Variants in MIDEAS observed in about 807,000 individuals in gnomAD.
MIDEAS encodes mitotic deacetylase associated SANT domain protein, also known as mitotic deacetylase-associated SANT domain protein.
Under a neutral mutation model 102.7 loss-of-function variants are expected in MIDEAS, and 26 were observed. The ratio of observed to expected loss-of-function variants is 0.25; its 90% CI spans 0.19 to 0.35. MIDEAS has a LOEUF of 0.35. Ranked by LOEUF, MIDEAS falls within the 10% of genes least tolerant of loss-of-function variation. MIDEAS has a pLI of 1.00. For missense variants in MIDEAS, 1,231 were observed against 1,435.6 expected (o/e 0.86, Z 2.30); for synonymous variants, 585 against 591.0 (o/e 0.99, Z 0.15).
At chr14:73,746,663 C>A (rs17091002) in intron 1 of MIDEAS, among the ~76,000 whole-genome samples, 60,993 of 152,020 alleles carry the variant, frequency 0.4, 13,631 homozygotes, top group East Asian at 0.8. Context: ...TAGAGCAGGG[C>A]TCTCTGAAGT....
intron 1 of MIDEAS, among the ~76,000 whole-genome samples, chr14:73,779,702 C>T (rs1595302035): frequency 6.9e-6 from 1 of 144,276 alleles, no homozygotes; most frequent in South Asian, 2.2e-4. Context: ...CTCAGCCTCC[C>T]GAGTAGCTGG....
chr14:73,726,217 C>A, intron 7 of MIDEAS, 109 bp from the exon 8 acceptor site: 1 of 906,248 alleles, frequency 1.1e-6, no homozygotes, highest in Non-Finnish European at 1.8e-6. Flanking sequence ...TTACTCTTGC[C>A]CCCTTAACTG....
intron 1 of MIDEAS, among the ~76,000 whole-genome samples, chr14:73,756,289 T>TGCGCGCGCGC (rs1312850557): frequency 3.9e-5 from 5 of 127,046 alleles, no homozygotes; most frequent in African/African-American, 1.6e-4. Context: ...TGTGTGTGTG[T>TGCGCGCGCGC]GTGTGTGCGC....
At chr14:73,737,729 T>C (rs141871559) in intron 2 of MIDEAS, among the ~76,000 whole-genome samples, 3 of 150,870 alleles carry the variant, frequency 2.0e-5, no homozygotes, top group Admixed American at 2.0e-4. Context: ...CTCCCAGTGG[T>C]CTCACAACTT....
rs1420076250 is a variant in MIDEAS at position 73,736,600 on chromosome 14, C to T, written c.1749+398G>A. Among the ~76,000 whole-genome samples, 4 of 147,780 alleles carry T rather than the reference C, an allele frequency of 2.7e-5. No individual in the cohort carries two copies. The East Asian group carries it at 8.0e-4, about 30-fold the overall frequency. On this transcript the variant is annotated intron_variant, in intron 3 of 12. Transcript: ENST00000423556. ...GAGCCGAGATTGCGCCACTACACTCCAGCCTGGGTGACAGAGCAAGACTCT... is the reference window on the plus strand; with the variant it reads ...GAGCCGAGATTGCGCCACTACACTCTAGCCTGGGTGACAGAGCAAGACTCT...
At chr14:73,722,230 G>C (rs1246330744) in intron 10 of MIDEAS, 1 of 155,146 alleles carries the variant, frequency 6.4e-6, no homozygotes, top group African/African-American at 2.4e-5. Flanking sequence ...ACACAACCTT[G>C]GTTTTCTATT....
In MIDEAS at chr14:73,721,341, C is replaced by T. The variant is rs755308228; in HGVS notation, c.2893G>A (p.Ala965Thr). 23 of 1,613,872 alleles carry T rather than the reference C, an allele frequency of 1.4e-5. No individual in the cohort carries two copies. The highest frequency in any genetic ancestry group is 1.9e-5 in the Non-Finnish European group (22 of 1,180,040). ...GTCTGCGTGGCTTTGACTGCCGCTGCCCGCCTGCTGCGCTCTCGCCCCTCT... is the reference window on the plus strand; with the variant it reads ...GTCTGCGTGGCTTTGACTGCCGCTGTCCGCCTGCTGCGCTCTCGCCCCTCT... ...QEEGRERSRRAAAVKATQTLQ... is the reference protein window; with the variant it reads ...QEEGRERSRRTAAVKATQTLQ... Residue 965 changes from alanine to threonine, a missense_variant, in exon 11 of 13, where the codon GCA becomes ACA. Ala to Thr is a moderately conservative substitution (Grantham distance 58). Around this residue, in one of 5 missense-constraint regions of MIDEAS, gnomAD observed 391 missense variants for 483.0 expected, o/e 0.81. Transcript: ENST00000423556.
At chr14:73,777,783 A>T (rs1257870060) in intron 1 of MIDEAS, among the ~76,000 whole-genome samples, 1 of 151,944 alleles carries the variant, frequency 6.6e-6, no homozygotes, top group East Asian at 1.9e-4. Context: ...CTTTCCTGAC[A>T]TGCCTCTCTC....
intron 1 of MIDEAS, chr14:73,755,051 T>A (rs1315373195): frequency 2.6e-5 from 4 of 152,066 alleles, no homozygotes. Context: ...CTTTCCCCAC[T>A]CTCCTTCCTT....
intron 1 of MIDEAS, among the ~76,000 whole-genome samples, chr14:73,752,920 G>A (rs2053438223): frequency 6.6e-6 from 1 of 152,198 alleles, no homozygotes; most frequent in African/African-American, 2.4e-5. Context: ...TCTGGGACCT[G>A]GGCCAAGCCA....
rs1366527838 is a variant in MIDEAS, at chr14:73,738,992, C to G, written c.1017G>C (p.Gln339His). The G allele has an allele frequency of 6.5e-7, 1 of 1,535,938 alleles. No homozygotes were observed. Among genetic ancestry groups the G allele is most frequent in the Non-Finnish European group, 8.8e-7 (1 of 1,142,242 alleles). Residue 339 changes from glutamine to histidine, a missense_variant, in exon 2 of 13, where the codon CAG becomes CAC. By Grantham distance (24) the Gln-to-His change is conservative. This residue lies in a region of MIDEAS where 758 missense variants were observed against 856.0 expected (regional missense o/e 0.89). Coordinates refer to ENST00000423556, the MANE Select transcript of MIDEAS (RefSeq NM_001367710.1). ...SAPQPALPQV[Q>H]IPFPRRSRRL... Reference sequence around the variant, plus strand: ...GGCGGGAGCGGCGGGGGAAGGGGATCTGGACCTGAGGTAGCGCTGGCTGCG... The same window carrying G: ...GGCGGGAGCGGCGGGGGAAGGGGATGTGGACCTGAGGTAGCGCTGGCTGCG...
chr14:73,739,055 G>A lies in MIDEAS; in HGVS notation c.954C>T (p.Asn318=), dbSNP rs766174266. The A allele has an allele frequency of 1.9e-6, 3 of 1,567,082 alleles. No homozygotes were observed. The highest frequency in any genetic ancestry group is 2.6e-6 in the Non-Finnish European group (3 of 1,153,496). ...GCAGAAGGGCCTTGCGCAGTTCTGG[G>A]TTCATATCTGGGTTGGGGGGGAAGG... is the stretch of plus-strand genomic sequence containing the variant. ...PYPFPPNPDM[N]PELRKALLQD... Residue 318 remains asparagine, a synonymous_variant, in exon 2 of 13, where the codon AAC becomes AAT. Coordinates refer to ENST00000423556, the MANE Select transcript of MIDEAS (RefSeq NM_001367710.1).
rs1403019481 is a variant in MIDEAS at position 73,726,936 on chromosome 14, G to A, written c.2199C>T (p.Ile733=). 28 of 1,613,262 alleles carry A rather than the reference G, an allele frequency of 1.7e-5. No homozygotes were observed. Among genetic ancestry groups the A allele is most frequent in the Non-Finnish European group, 2.1e-5 (25 of 1,179,468 alleles). Residue 733 remains isoleucine (I), a synonymous_variant, in exon 6 of 13, where the codon ATC becomes ATT. Coordinates refer to ENST00000423556, the MANE Select transcript of MIDEAS (RefSeq NM_001367710.1). ...INVGSRFQAE[I]PLMRDRALAA... Reference sequence around the variant, plus strand: ...CCAGGGCACGGTCCCTCATCAAGGGGATTTCTGCCTGGAACCGGGAGCCCA... The same window carrying A: ...CCAGGGCACGGTCCCTCATCAAGGGAATTTCTGCCTGGAACCGGGAGCCCA...
chr14:73,720,273 A>C (rs1185547701), intron 11 of MIDEAS, among the ~76,000 whole-genome samples: 1 of 120,232 alleles, frequency 8.3e-6, no homozygotes, highest in African/African-American at 3.3e-5. Context: ...GAGTCTTGCT[A>C]TGTCACCCAG....
In MIDEAS at chr14:73,725,318, T is replaced by C. The variant is rs1300135528; in HGVS notation, c.2528A>G (p.Lys843Arg). The change falls in exon 9 of 13, where the codon AAA becomes AGA. Residue 843 changes from lysine to arginine, a missense_variant. Lys to Arg is a conservative substitution (Grantham distance 26). Coordinates refer to ENST00000423556, the MANE Select transcript of MIDEAS (RefSeq NM_001367710.1). The surrounding 1 kb of genome is among the most constrained non-coding windows in gnomAD (Gnocchi z 4.1). ...ATCCTTCTTGTAGATGGCAATGCCT[T>C]TGTTGAACAGCTTCCTCTCGGCCAT... ...WKMAERKLFNKGIAIYKKDFF... is the reference protein window; with the variant it reads ...WKMAERKLFNRGIAIYKKDFF... The C allele has an allele frequency of 6.2e-7, 1 of 1,614,094 alleles. No homozygotes were observed. The highest frequency in any genetic ancestry group is 1.1e-5 in the South Asian group (1 of 91,084).
At chr14:73,748,639 G>C (rs1386503327) in intron 1 of MIDEAS, among the ~76,000 whole-genome samples, 2 of 151,632 alleles carry the variant, frequency 1.3e-5, no homozygotes. Flanking sequence ...TGTGGTGGCA[G>C]GCACCTGTAA....
At chr14:73,730,282 T>C in intron 3 of MIDEAS, 1 of 503,840 alleles carries the variant, frequency 2.0e-6, no homozygotes, top group Non-Finnish European at 3.7e-6. Flanking sequence ...ACTAACTGTA[T>C]AAAATTGTAA....
chr14:73,722,881 C>T, intron 9 of MIDEAS, 34 bp from the exon 10 acceptor site: 1 of 1,607,426 alleles, frequency 6.2e-7, no homozygotes, highest in Non-Finnish European at 8.5e-7. Flanking sequence ...TCAGAACCCT[C>T]TGGTTTGGCT....
rs144490704 is a variant in MIDEAS at position 73,772,530 on chromosome 14, G to A, written c.-248+14572C>T. Among the ~76,000 whole-genome samples, 1,201 of 151,920 alleles carry A rather than the reference G, an allele frequency of 7.9e-3. 11 individuals are homozygous for A. Among genetic ancestry groups the A allele is most frequent in the African/African-American group, 0.027 (1,139 of 41,452 alleles). On this transcript the variant is annotated intron_variant, in intron 1 of 11. Transcript: ENST00000394071. ...AGTGACACAATACTCACTGACTCTA[G>A]GTATCATGAATTATACAGCCACATG...
Sources: allele counts gnomAD v4.1 joint callset (sites outside exome capture counted in the v4.1 genomes callset), GRCh38; gene constraint gnomAD v4.1.1; regional missense constraint gnomAD v4.1.1; non-coding constraint Gnocchi (gnomAD v3.1); transcripts MANE v1.5; gene names NCBI Gene and HGNC (gene_info 2026-07-23, HGNC 2026-07-21).